PDE1C: variants seen among roughly 807,000 people sequenced by gnomAD.
PDE1C encodes phosphodiesterase 1C.
Under a neutral mutation model 93.1 loss-of-function variants are expected in PDE1C, and 62 were observed. The observed-to-expected ratio is 0.67, with a 90% confidence interval of 0.54 to 0.82. The LOEUF (loss-of-function observed/expected upper bound fraction) is 0.82, where lower values mean the gene tolerates loss of function less well. PDE1C is among the 40% of genes least tolerant of loss of function. The probability of loss-of-function intolerance (pLI) is 0.00; values close to 1 mark genes in which losing one functional copy is unlikely to be tolerated. For missense variants in PDE1C, 742 were observed against 884.6 expected (o/e 0.84, Z 2.04); for synonymous variants, 325 against 310.1 (o/e 1.05, Z -0.50).
intron 2 of PDE1C, among the ~76,000 whole-genome samples, chr7:31,910,253 C>G (rs1801065861): frequency 6.6e-6 from 1 of 152,150 alleles, no homozygotes; most frequent in Non-Finnish European, 1.5e-5. Context: ...GCCCTCTCCT[C>G]TTTTTCAACT....
At chr7:31,942,601 G>A (rs1278318802) in intron 2 of PDE1C, among the ~76,000 whole-genome samples, 1 of 152,134 alleles carries the variant, frequency 6.6e-6, no homozygotes, top group Non-Finnish European at 1.5e-5. Context: ...TGAAAAACAT[G>A]AGAAAAATCT....
the PDE1C span, among the ~76,000 whole-genome samples, chr7:31,702,730 T>C: frequency 6.6e-6 from 1 of 152,226 alleles, no homozygotes; most frequent in East Asian, 1.9e-4. Context: ...GACTGCCTTA[T>C]GTTTCTGGTA....
chr7:32,251,081 G>A (rs566455700), intron 1 of PDE1C, among the ~76,000 whole-genome samples: 29 of 152,272 alleles, frequency 1.9e-4, no homozygotes, highest in Admixed American at 9.1e-4. Flanking sequence ...ACAAGCGCGC[G>A]TGCGCACACA....
intron 1 of PDE1C, among the ~76,000 whole-genome samples, chr7:32,403,770 T>C (rs1353102473): frequency 1.3e-5 from 2 of 152,184 alleles, no homozygotes; most frequent in African/African-American, 2.4e-5. Flanking sequence ...GGCTTTGTTT[T>C]ATATTAACAG....
chr7:31,639,544 T>TTTTTTTTTTTTTTTTG, the PDE1C span, among the ~76,000 whole-genome samples: 3 of 135,188 alleles, frequency 2.2e-5, no homozygotes, highest in African/African-American at 2.8e-5. Context: ...TTTTGTTTTT[T>TTTTTTTTTTTTTTTTG]TTTTTTTTTT....
At chr7:32,257,576 T>G (rs1470843441) in intron 1 of PDE1C, among the ~76,000 whole-genome samples, 1 of 152,254 alleles carries the variant, frequency 6.6e-6, no homozygotes, top group East Asian at 1.9e-4. Context: ...CTTAAAACAA[T>G]GCCTGGCACC....
At chr7:31,707,454 T>G in the PDE1C span, 1 of 586,466 alleles carries the variant, frequency 1.7e-6, no homozygotes. Flanking sequence ...CCTCTTTGTC[T>G]CTCTCTTCTT....
At position 31,963,810 on chromosome 7, in the gene PDE1C, T is replaced by C. The variant is rs147400070; in HGVS notation, c.129-82950A>G. 5.9e-5 allele frequency among the ~76,000 whole-genome samples: 9 copies of C among 152,332 alleles called. No individual in the cohort carries two copies. The East Asian group carries it at 1.7e-3, about 29-fold the overall frequency. On this transcript the variant is annotated intron_variant, in intron 2 of 17. Coordinates refer to ENST00000396191, the MANE Select transcript of PDE1C (RefSeq NM_001191057.4). ...CATTGAATTAGGCTAGAGAGGGTTATGAAAGAATTTTATAACCACTGACCT... is the reference window on the plus strand; with the variant it reads ...CATTGAATTAGGCTAGAGAGGGTTACGAAAGAATTTTATAACCACTGACCT...
intron 2 of PDE1C, among the ~76,000 whole-genome samples, chr7:32,021,429 A>C (rs1234932878): frequency 1.3e-5 from 2 of 152,134 alleles, no homozygotes; most frequent in Non-Finnish European, 2.9e-5. Flanking sequence ...TCTTTCCACA[A>C]TAACTTTCTG....
At chr7:32,172,749 G>A (rs1040581291) in intron 2 of PDE1C, among the ~76,000 whole-genome samples, 8 of 150,400 alleles carry the variant, frequency 5.3e-5, no homozygotes, top group African/African-American at 2.0e-4. Flanking sequence ...TTGAACCCAG[G>A]ATGCAGAGGT....
chr7:31,632,587 G>C, the PDE1C span, among the ~76,000 whole-genome samples: 1 of 152,112 alleles, frequency 6.6e-6, no homozygotes, highest in Non-Finnish European at 1.5e-5. Context: ...TTTCAAAATA[G>C]AGACTGATAT....
At chr7:32,403,686 G>A (rs1289626771) in intron 1 of PDE1C, among the ~76,000 whole-genome samples, 2 of 152,136 alleles carry the variant, frequency 1.3e-5, no homozygotes, top group African/African-American at 4.8e-5. Context: ...GATTCAATTT[G>A]ATTCAATTCA....
intron 1 of PDE1C, among the ~76,000 whole-genome samples, chr7:32,379,884 G>A (rs1386162250): frequency 6.6e-6 from 1 of 152,110 alleles, no homozygotes; most frequent in Non-Finnish European, 1.5e-5. Flanking sequence ...TTCTTTCCCT[G>A]GGAAACATCC....
At chr7:31,899,235 T>C (rs1799681535) in intron 2 of PDE1C, among the ~76,000 whole-genome samples, 1 of 150,486 alleles carries the variant, frequency 6.6e-6, no homozygotes, top group African/African-American at 2.5e-5. Context: ...GCCTACCTGG[T>C]TCACACCATT....
chr7:32,278,114 CACA>C (rs10549822), intron 1 of PDE1C, among the ~76,000 whole-genome samples: 1,859 of 95,520 alleles, frequency 0.019, 48 homozygotes, highest in African/African-American at 0.071. Flanking sequence ...GGAAATTAAA[CACA>C]ACGAGTTGCC....
the PDE1C span, among the ~76,000 whole-genome samples, chr7:31,630,817 A>G: frequency 1.3e-5 from 2 of 152,316 alleles, no homozygotes; most frequent in South Asian, 4.1e-4. Context: ...TGGGCAAAAT[A>G]TACCAAAAAG....
At chr7:32,408,578 C>A (rs1785104492) in intron 1 of PDE1C, among the ~76,000 whole-genome samples, 1 of 152,140 alleles carries the variant, frequency 6.6e-6, no homozygotes, top group African/African-American at 2.4e-5. Flanking sequence ...CATTTGAGGT[C>A]AGTAGTTCGA....
intron 1 of PDE1C, among the ~76,000 whole-genome samples, chr7:32,361,004 C>A (rs937413448): frequency 7.9e-5 from 12 of 152,126 alleles, no homozygotes; most frequent in Non-Finnish European, 1.8e-4. Flanking sequence ...GAGGTATTAG[C>A]TCTATCCTAT....
At chr7:32,176,937 G>A (rs553218773) in intron 2 of PDE1C, among the ~76,000 whole-genome samples, 1 of 152,320 alleles carries the variant, frequency 6.6e-6, no homozygotes, top group East Asian at 1.9e-4. Context: ...AACTATCAGT[G>A]TGAACTCATG....
Sources: gnomAD v4.1 joint callset for allele counts (sites outside exome capture counted in the v4.1 genomes callset) on GRCh38, gnomAD v4.1.1 for gene constraint, MANE v1.5 for transcripts, NCBI Gene and HGNC (gene_info 2026-07-23, HGNC 2026-07-21) for gene names.